CD38: variants seen among roughly 807,000 people sequenced by gnomAD.
The protein encoded by CD38 is CD38 molecule, also known as ADP-ribosyl cyclase/cyclic ADP-ribose hydrolase 1.
A neutral mutation model predicts 36.3 loss-of-function variants in CD38; 31 were observed. The ratio of observed to expected loss-of-function variants is 0.85; its 90% CI spans 0.64 to 1.15. The LOEUF (loss-of-function observed/expected upper bound fraction) is 1.15, where lower values mean the gene tolerates loss of function less well. Among genes scored for constraint, CD38 ranks in the 50% most tolerant of loss-of-function variants. The probability of loss-of-function intolerance (pLI) is 0.00; values close to 1 mark genes in which losing one functional copy is unlikely to be tolerated. For missense variants in CD38, 380 were observed against 371.9 expected (o/e 1.02, Z -0.18); for synonymous variants, 131 against 135.2 (o/e 0.97, Z 0.22).
At chr4:15,814,351 G>C (rs2148921692) in intron 1 of CD38, among the ~76,000 whole-genome samples, 1 of 152,212 alleles carries the variant, frequency 6.6e-6, no homozygotes, top group South Asian at 2.1e-4. Context: ...ATCTTTGTCA[G>C]GTGGATAGAT....
intron 4 of CD38, among the ~76,000 whole-genome samples, chr4:15,836,291 TGGCAGA>T (rs1724068856): frequency 2.0e-5 from 3 of 152,170 alleles, no homozygotes; most frequent in Admixed American, 2.0e-4. Flanking sequence ...TGTCCTTACA[TGGCAGA>T]GGCAGAGGGG....
At chr4:15,840,769 T>C (rs1053941347) in intron 7 of CD38, among the ~76,000 whole-genome samples, 1 of 152,136 alleles carries the variant, frequency 6.6e-6, no homozygotes, top group Non-Finnish European at 1.5e-5. Context: ...TCTCTATTGA[T>C]CCCAAGTAGG....
chr4:15,823,535 A>G (rs1390920813), intron 2 of CD38, among the ~76,000 whole-genome samples: 1 of 152,222 alleles, frequency 6.6e-6, no homozygotes, highest in Non-Finnish European at 1.5e-5. Context: ...ACACTTCTCA[A>G]AAGAAGACAT....
intron 1 of CD38, among the ~76,000 whole-genome samples, chr4:15,796,530 A>C (rs1337035675): frequency 6.6e-6 from 1 of 152,138 alleles, no homozygotes; most frequent in Non-Finnish European, 1.5e-5. Context: ...CCATTTACCC[A>C]CCACATGGAG....
chr4:15,809,282 T>G (rs1330008783), intron 1 of CD38, among the ~76,000 whole-genome samples: 2 of 152,200 alleles, frequency 1.3e-5, no homozygotes, highest in Non-Finnish European at 2.9e-5. Flanking sequence ...AGGAGACACT[T>G]GGAGGTTCTG....
At chr4:15,801,012 A>G (rs1267091519) in intron 1 of CD38, among the ~76,000 whole-genome samples, 1 of 152,088 alleles carries the variant, frequency 6.6e-6, no homozygotes, top group Non-Finnish European at 1.5e-5. Flanking sequence ...ACAAAATGAA[A>G]AGTTGTTTTT....
chr4:15,801,205 C>G (rs1560310170), intron 1 of CD38, among the ~76,000 whole-genome samples: 1 of 151,892 alleles, frequency 6.6e-6, no homozygotes, highest in Non-Finnish European at 1.5e-5. Context: ...CACCTACAAC[C>G]TACCAAGATT....
chr4:15,809,519 C>T (rs914922707), intron 1 of CD38, among the ~76,000 whole-genome samples: 2 of 152,122 alleles, frequency 1.3e-5, no homozygotes, highest in Non-Finnish European at 2.9e-5. Flanking sequence ...TTCCATTTTC[C>T]CCATTCTCAC....
rs957975805 is a variant in CD38 at position 15,849,425 on chromosome 4, T to A, written c.*823T>A. 1.4e-4 allele frequency: 22 copies of A among 152,230 alleles called. No individual in the cohort carries two copies. The highest frequency in any genetic ancestry group is 4.8e-4 in the African/African-American group (20 of 41,448). The allele number at this position is 152,230 out of a possible 1,614,324, so 9.4% of individuals were successfully genotyped here. On this transcript the variant is annotated 3_prime_UTR_variant, in exon 8 of 8. Coordinates refer to ENST00000226279, the MANE Select transcript of CD38 (RefSeq NM_001775.4). ...CTTTCATACCAAACTAATAGTAGTT[T>A]ATATTCTCTTCCAACAAATGCATAT...
At chr4:15,813,177 A>T (rs1723508441) in intron 1 of CD38, among the ~76,000 whole-genome samples, 1 of 152,240 alleles carries the variant, frequency 6.6e-6, no homozygotes, top group Non-Finnish European at 1.5e-5. Flanking sequence ...TAATGAAATC[A>T]GACATCTTTG....
At chr4:15,812,426 G>A (rs1723493507) in intron 1 of CD38, among the ~76,000 whole-genome samples, 3 of 152,154 alleles carry the variant, frequency 2.0e-5, no homozygotes, top group South Asian at 4.1e-4. Context: ...GGCCGGGCAC[G>A]GTGGCTCACG....
chr4:15,786,184 T>C (rs879645637), intron 1 of CD38, among the ~76,000 whole-genome samples: 5 of 152,208 alleles, frequency 3.3e-5, no homozygotes, highest in African/African-American at 7.2e-5. Context: ...TTCCCCAGTG[T>C]AGAAGTGTAG....
chr4:15,782,094 C>A (rs1177239435), intron 1 of CD38, among the ~76,000 whole-genome samples: 1 of 152,194 alleles, frequency 6.6e-6, no homozygotes, highest in Non-Finnish European at 1.5e-5. Context: ...GCCACACGGC[C>A]TCTCTCTATC....
At chr4:15,781,182 A>G (rs894620327) in intron 1 of CD38, among the ~76,000 whole-genome samples, 1 of 152,200 alleles carries the variant, frequency 6.6e-6, no homozygotes, top group African/African-American at 2.4e-5. Context: ...CTATAAGATC[A>G]TTAGGTATAT....
chr4:15,809,663 T>G (rs1016999190), intron 1 of CD38, among the ~76,000 whole-genome samples: 2 of 152,172 alleles, frequency 1.3e-5, no homozygotes, highest in Non-Finnish European at 2.9e-5. Flanking sequence ...CGGCACAGAA[T>G]GAGCTCTCAG....
chr4:15,800,995 A>G (rs1447286027), intron 1 of CD38, among the ~76,000 whole-genome samples: 1 of 152,126 alleles, frequency 6.6e-6, no homozygotes, highest in Non-Finnish European at 1.5e-5. Flanking sequence ...AGTAATACAA[A>G]AGATCAACAA....
intron 7 of CD38, among the ~76,000 whole-genome samples, chr4:15,847,358 A>G (rs1260303825): frequency 4.1e-5 from 1 of 24,542 alleles, no homozygotes; most frequent in Non-Finnish European, 7.1e-5. Context: ...GAATTGAACA[A>G]TGAGATCACA....
chr4:15,818,587 A>C (rs1723658629), intron 2 of CD38, among the ~76,000 whole-genome samples: 1 of 152,158 alleles, frequency 6.6e-6, no homozygotes, highest in Admixed American at 6.5e-5. Flanking sequence ...GTCGATAGAC[A>C]CCTCATACAG....
At chr4:15,791,815 C>G (rs1199993321) in intron 1 of CD38, among the ~76,000 whole-genome samples, 1 of 90,974 alleles carries the variant, frequency 1.1e-5, no homozygotes, top group East Asian at 2.6e-4. Flanking sequence ...GGGTCAGCCC[C>G]CCGCCCGGCC....
Sources: gnomAD v4.1 joint callset for allele counts (sites outside exome capture counted in the v4.1 genomes callset) on GRCh38, gnomAD v4.1.1 for gene constraint, MANE v1.5 for transcripts, NCBI Gene and HGNC (gene_info 2026-07-23, HGNC 2026-07-21) for gene names.